ALK: variants seen among roughly 807,000 people sequenced by gnomAD.
ALK encodes the protein ALK tyrosine kinase receptor.
Under a neutral mutation model 163.1 loss-of-function variants are expected in ALK, and 74 were observed. The observed-to-expected ratio is 0.45, with a 90% CI of 0.38 to 0.55. ALK has a LOEUF of 0.55. ALK is among the 20% of genes least tolerant of loss of function. ALK has a pLI of 0.00. For missense variants in ALK, 2,063 were observed against 2,105.3 expected (o/e 0.98, Z 0.39); for synonymous variants, 960 against 843.2 (o/e 1.14, Z -2.40).
At chr2:29,844,144 T>C (rs780937640) in intron 1 of ALK, among the ~76,000 whole-genome samples, 4 of 152,200 alleles carry the variant, frequency 2.6e-5, no homozygotes, top group Non-Finnish European at 5.9e-5. Flanking sequence ...CCGGAACTGC[T>C]ATCTGAAGGA....
At chr2:29,681,093 A>G (rs1009737565) in intron 3 of ALK, 2 of 152,114 alleles carry the variant, frequency 1.3e-5, no homozygotes, top group Non-Finnish European at 2.9e-5. Context: ...TGATCCCACT[A>G]CTGATCAGCA....
At chr2:29,262,039 C>A (rs1006068872) in intron 11 of ALK, among the ~76,000 whole-genome samples, 1 of 152,174 alleles carries the variant, frequency 6.6e-6, no homozygotes, top group Non-Finnish European at 1.5e-5. Context: ...AATGTTGAGG[C>A]CTTCAATTTC....
At chr2:29,711,039 A>C (rs1022546560) in intron 2 of ALK, among the ~76,000 whole-genome samples, 5 of 152,174 alleles carry the variant, frequency 3.3e-5, no homozygotes, top group Non-Finnish European at 5.9e-5. Context: ...TGACATCTTC[A>C]TCCACTCAAT....
chr2:29,621,345 A>T (rs1406262195), intron 3 of ALK, among the ~76,000 whole-genome samples: 1 of 152,190 alleles, frequency 6.6e-6, no homozygotes, highest in Admixed American at 6.5e-5. Context: ...TTCCTTTCTA[A>T]ATCAGGGCTA....
intron 3 of ALK, among the ~76,000 whole-genome samples, chr2:29,561,824 G>A (rs556265134): frequency 6.6e-5 from 10 of 152,266 alleles, no homozygotes; most frequent in South Asian, 4.2e-4. Context: ...GACCGGGGCC[G>A]GGCATGGGGG....
At chr2:29,435,894 G>T (rs143480467) in intron 4 of ALK, among the ~76,000 whole-genome samples, 20 of 152,232 alleles carry the variant, frequency 1.3e-4, no homozygotes, top group Non-Finnish European at 2.8e-4. Context: ...ATAATGCTAA[G>T]ATTTGGTTTG....
intron 1 of ALK, among the ~76,000 whole-genome samples, chr2:29,761,461 G>A (rs936408065): frequency 8.9e-4 from 135 of 152,320 alleles, no homozygotes; most frequent in African/African-American, 3.2e-3. Context: ...CTTCTCAGCT[G>A]AATCTTGAGG....
At chr2:29,816,468 G>A (rs1165642872) in intron 1 of ALK, among the ~76,000 whole-genome samples, 1 of 152,084 alleles carries the variant, frequency 6.6e-6, no homozygotes, top group Non-Finnish European at 1.5e-5. Context: ...TGCCTACTTT[G>A]TACAAAGCAA....
At chr2:29,897,499 G>C (rs577890164) in intron 1 of ALK, among the ~76,000 whole-genome samples, 6 of 152,278 alleles carry the variant, frequency 3.9e-5, no homozygotes, top group Middle Eastern at 6.8e-3. Context: ...AGGGACATCA[G>C]AGTGGGAGGT....
chr2:29,310,702 G>C (rs1334494790), intron 8 of ALK, among the ~76,000 whole-genome samples: 1 of 152,208 alleles, frequency 6.6e-6, no homozygotes, highest in Non-Finnish European at 1.5e-5. Context: ...CCACCTAACT[G>C]TGGACCCTCA....
chr2:29,443,702 C>T (rs1281715342), intron 4 of ALK, among the ~76,000 whole-genome samples: 1 of 152,198 alleles, frequency 6.6e-6, no homozygotes, highest in African/African-American at 2.4e-5. Flanking sequence ...CTCACTCACC[C>T]TTTCACAGGT....
At chr2:29,627,907 G>A (rs17729718) in intron 3 of ALK, among the ~76,000 whole-genome samples, 96,902 of 152,080 alleles carry the variant, frequency 0.64, 31,828 homozygotes, top group Middle Eastern at 0.75. Flanking sequence ...CAAACTGAAA[G>A]AAAATGCTGA....
At chr2:29,490,143 C>T (rs974695705) in intron 4 of ALK, among the ~76,000 whole-genome samples, 6 of 152,202 alleles carry the variant, frequency 3.9e-5, no homozygotes, top group Non-Finnish European at 8.8e-5. Context: ...GATGCTAAAT[C>T]CCAGAATATT....
In ALK at chr2:29,342,895, T is replaced by G. The variant is rs1307788909; in HGVS notation, c.1283-14414A>C. ...CAGTGATCTTTTTTTTTTTTTTTTTTTTTTTGATATGGAGTCTCGCTCTGT... is the reference window on the plus strand; with the variant it reads ...CAGTGATCTTTTTTTTTTTTTTTTTGTTTTTGATATGGAGTCTCGCTCTGT... On this transcript the variant is annotated intron_variant, in intron 5 of 28. Transcript: ENST00000389048. Among the ~76,000 whole-genome samples, 6 of 146,278 alleles carry G rather than the reference T, an allele frequency of 4.1e-5. No individual in the cohort carries two copies. The East Asian group carries it at 1.2e-3, about 29-fold the overall frequency.
intron 9 of ALK, among the ~76,000 whole-genome samples, chr2:29,283,260 C>T (rs1335405849): frequency 1.1e-4 from 17 of 152,226 alleles, no homozygotes; most frequent in Non-Finnish European, 2.5e-4. Flanking sequence ...AACCATCCAA[C>T]TTGTCGAATC....
intron 9 of ALK, among the ~76,000 whole-genome samples, chr2:29,283,442 T>C (rs1427867655): frequency 6.6e-6 from 1 of 152,170 alleles, no homozygotes; most frequent in Non-Finnish European, 1.5e-5. Flanking sequence ...TCCTCTGTCC[T>C]CTGTTGCTGT....
intron 6 of ALK, among the ~76,000 whole-genome samples, chr2:29,324,644 C>A (rs1427046307): frequency 6.6e-6 from 1 of 152,156 alleles, no homozygotes; most frequent in Admixed American, 6.5e-5. Flanking sequence ...AATCACTGAC[C>A]CATCTAGGGG....
intron 4 of ALK, among the ~76,000 whole-genome samples, chr2:29,509,348 C>T (rs10210040): frequency 0.3 from 45,670 of 152,004 alleles, 7,037 homozygotes; most frequent in East Asian, 0.32. Context: ...GATAGAAAGG[C>T]TTAAGGAGAA....
intron 3 of ALK, among the ~76,000 whole-genome samples, chr2:29,666,434 A>T (rs1005822772): frequency 3.3e-5 from 5 of 152,114 alleles, no homozygotes; most frequent in African/African-American, 1.2e-4. Flanking sequence ...AAGTCACTTG[A>T]TCAATGCCCT....
Sources: allele counts gnomAD v4.1 joint callset (sites outside exome capture counted in the v4.1 genomes callset), GRCh38; gene constraint gnomAD v4.1.1; transcripts MANE v1.5; gene names NCBI Gene and HGNC (gene_info 2026-07-23, HGNC 2026-07-21).